Variants in UBE2H observed in about 807,000 individuals in gnomAD.
UBE2H encodes the protein ubiquitin conjugating enzyme E2 H, also known as ubiquitin-conjugating enzyme E2 H.
Under a neutral mutation model 29.0 loss-of-function variants are expected in UBE2H, and 3 were observed. The ratio of observed to expected loss-of-function variants is 0.10; its 90% CI spans 0.05 to 0.27. The LOEUF is 0.27. UBE2H is among the 10% of genes least tolerant of loss of function. The pLI is 1.00. For missense variants in UBE2H, 68 were observed against 228.2 expected (o/e 0.30, Z 4.52); for synonymous variants, 69 against 82.9 (o/e 0.83, Z 0.91).
At chr7:129,918,765 T>C (rs913048866) in intron 1 of UBE2H, among the ~76,000 whole-genome samples, 1 of 152,174 alleles carries the variant, frequency 6.6e-6, no homozygotes, top group Non-Finnish European at 1.5e-5. Flanking sequence ...CCTTTCTCTA[T>C]GTATATGTTT....
At chr7:129,862,693 A>G (rs1805824892) in intron 3 of UBE2H, among the ~76,000 whole-genome samples, 1 of 152,208 alleles carries the variant, frequency 6.6e-6, no homozygotes, top group Non-Finnish European at 1.5e-5. Context: ...TGATGCTCTG[A>G]AGTTTTTTCC....
At chr7:129,896,469 G>A (rs1239914826) in intron 1 of UBE2H, among the ~76,000 whole-genome samples, 2 of 152,054 alleles carry the variant, frequency 1.3e-5, no homozygotes, top group Non-Finnish European at 2.9e-5. Flanking sequence ...GCGAGATCCC[G>A]GCTCAGCTCA....
intron 1 of UBE2H, among the ~76,000 whole-genome samples, chr7:129,935,209 G>A (rs1262068729): frequency 6.6e-6 from 1 of 151,728 alleles, no homozygotes; most frequent in Non-Finnish European, 1.5e-5. Context: ...CAGATCACGA[G>A]GTCAGGAGTT....
chr7:129,834,926 T>C lies in UBE2H; in HGVS notation c.*11A>G. On this transcript the variant is annotated 3_prime_UTR_variant, in exon 7 of 7. Transcript: ENST00000355621. ...AATAATAGTCTTTCTGAAAAGCAGG[T>C]GCTTTTTCTACTACAACTCCATATC... 6.2e-7 allele frequency: 1 copy of C among 1,612,354 alleles called. No homozygotes were observed. The highest frequency in any genetic ancestry group is 2.1e-4 in the Middle Eastern group (1 of 4,756).
At chr7:129,868,694 G>C (rs1255358621) in intron 3 of UBE2H, among the ~76,000 whole-genome samples, 2 of 152,084 alleles carry the variant, frequency 1.3e-5, no homozygotes, top group Non-Finnish European at 2.9e-5. Flanking sequence ...CTGGGGAATG[G>C]GGTGGGAAAG....
intron 1 of UBE2H, among the ~76,000 whole-genome samples, chr7:129,932,431 A>G (rs1466666337): frequency 6.6e-6 from 1 of 151,948 alleles, no homozygotes; most frequent in African/African-American, 2.4e-5. Flanking sequence ...CCTACTTTGC[A>G]TTTTTAATGG....
chr7:129,942,212 CAAAAAAA>C (rs966117564), intron 1 of UBE2H, among the ~76,000 whole-genome samples: 5 of 36,750 alleles, frequency 1.4e-4, no homozygotes, highest in Non-Finnish European at 2.0e-4. Flanking sequence ...GACTCGGTCT[CAAAAAAA>C]AAAAAAAAAA....
intron 1 of UBE2H, among the ~76,000 whole-genome samples, chr7:129,929,300 A>G (rs1054750539): frequency 4.0e-5 from 6 of 150,350 alleles, no homozygotes; most frequent in African/African-American, 1.5e-4. Flanking sequence ...CTGGGCAACA[A>G]GAGTGAAACT....
chr7:129,934,900 A>T (rs2116502740), intron 1 of UBE2H, among the ~76,000 whole-genome samples: 1 of 149,558 alleles, frequency 6.7e-6, no homozygotes, highest in South Asian at 2.1e-4. Context: ...TTCTACAAAA[A>T]GTATATATAT....
intron 1 of UBE2H, among the ~76,000 whole-genome samples, chr7:129,935,619 T>C (rs558856536): frequency 6.6e-5 from 10 of 152,268 alleles, no homozygotes; most frequent in South Asian, 6.2e-4. Context: ...ATCTAATCTA[T>C]TGTTGTAGAG....
intron 3 of UBE2H, among the ~76,000 whole-genome samples, chr7:129,863,164 GATT>G (rs1805833467): frequency 6.6e-6 from 1 of 152,198 alleles, no homozygotes; most frequent in Admixed American, 6.5e-5. Context: ...ATTAAATCTA[GATT>G]TGGCTTAGTT....
intron 1 of UBE2H, among the ~76,000 whole-genome samples, chr7:129,945,744 CTT>C (rs563430196): frequency 2.7e-5 from 4 of 146,422 alleles, no homozygotes. Context: ...ACATGAGCTA[CTT>C]TTTTTTTTTT....
intron 1 of UBE2H, among the ~76,000 whole-genome samples, chr7:129,910,962 AGG>A (rs34262631): frequency 6.6e-6 from 1 of 152,178 alleles, no homozygotes; most frequent in African/African-American, 2.4e-5. Flanking sequence ...GACTAGATGC[AGG>A]GAGCCCTGAA....
At position 129,838,750 on chromosome 7, in the gene UBE2H, T is replaced by C. The variant is rs1448054130; in HGVS notation, c.427+457A>G. Among the ~76,000 whole-genome samples, 4 of 152,162 alleles carry C rather than the reference T, an allele frequency of 2.6e-5. No homozygotes were observed. In the South Asian group the frequency reaches 6.2e-4, roughly 24 times the overall value. On this transcript the variant is annotated intron_variant, in intron 6 of 6. Coordinates refer to ENST00000355621, the MANE Select transcript of UBE2H (RefSeq NM_003344.4). ...TGCTTCCTGGTTCAGGCGATTCTCT[T>C]GCCTCAGCCTCCCGAGTAGCTGGGA... is the stretch of plus-strand genomic sequence containing the variant.
chr7:129,909,067 TA>T (rs967276020), intron 1 of UBE2H, among the ~76,000 whole-genome samples: 7 of 152,174 alleles, frequency 4.6e-5, no homozygotes, highest in African/African-American at 1.7e-4. Context: ...ATGCTTTTAC[TA>T]AAAAAAGTAA....
At chr7:129,835,191 T>A in intron 6 of UBE2H, 130 bp from the exon 7 acceptor site, 1 of 1,319,858 alleles carries the variant, frequency 7.6e-7, no homozygotes, top group Non-Finnish European at 1.0e-6. Context: ...AAGATGACAG[T>A]AATCATGATC....
chr7:129,879,196 G>C (rs1338821902), intron 3 of UBE2H, among the ~76,000 whole-genome samples: 2 of 152,200 alleles, frequency 1.3e-5, no homozygotes, highest in Non-Finnish European at 2.9e-5. Context: ...TTCTGAAAAT[G>C]ATAGGATTAA....
chr7:129,910,655 G>A (rs764231841), intron 1 of UBE2H, among the ~76,000 whole-genome samples: 1 of 152,028 alleles, frequency 6.6e-6, no homozygotes, highest in East Asian at 1.9e-4. Flanking sequence ...GCCGAGGAAG[G>A]CTGATTGTCT....
intron 1 of UBE2H, among the ~76,000 whole-genome samples, chr7:129,921,766 T>C (rs1305266525): frequency 5.3e-5 from 8 of 151,368 alleles, no homozygotes; most frequent in South Asian, 2.1e-4. Context: ...CCCACTAACA[T>C]TGCATGGGTT....
Sources: allele counts gnomAD v4.1 joint callset (sites outside exome capture counted in the v4.1 genomes callset), GRCh38; gene constraint gnomAD v4.1.1; transcripts MANE v1.5; gene names NCBI Gene and HGNC (gene_info 2026-07-23, HGNC 2026-07-21).